ELAPOR2: variants seen among roughly 807,000 people sequenced by gnomAD.
The protein encoded by ELAPOR2 is endosome-lysosome associated apoptosis and autophagy regulator family member 2, also known as endosome/lysosome-associated apoptosis and autophagy regulator family member 2.
ELAPOR2 carries 89 observed loss-of-function variants against 120.7 expected under a neutral mutation model. That is an observed-to-expected ratio of 0.74 (90% CI 0.62 to 0.88). The LOEUF (loss-of-function observed/expected upper bound fraction) is 0.88. Among genes scored for constraint, ELAPOR2 ranks in the 40% least tolerant of loss-of-function variants. The probability of loss-of-function intolerance (pLI) is 0.00; values close to 1 mark genes in which losing one functional copy is unlikely to be tolerated. For missense variants in ELAPOR2, 1,134 were observed against 1,251.6 expected (o/e 0.91, Z 1.42); for synonymous variants, 444 against 444.9 (o/e 1.00, Z 0.03).
chr7:86,938,415 A>G (rs1018950930), intron 7 of ELAPOR2, among the ~76,000 whole-genome samples: 5 of 152,124 alleles, frequency 3.3e-5, no homozygotes, highest in South Asian at 2.1e-4. Context: ...TATGATACAC[A>G]TGGAGTAGTA....
At position 86,891,773 on chromosome 7, in the gene ELAPOR2, T is replaced by A. The variant is rs780237877; in HGVS notation, c.2981A>T (p.Tyr994Phe). The change falls in exon 21 of 22, where the codon TAT becomes TTT. Residue 994 changes from tyrosine (Y) to phenylalanine (F), a missense_variant. By Grantham distance (22) the Tyr-to-Phe change is conservative. Coordinates refer to ENST00000450689, the MANE Select transcript of ELAPOR2 (RefSeq NM_001142749.3). ...EGEDNEEEVV[Y>F]SNKQSLLGKL... ...TCCTAGTAGTGACTGTTTATTGGAA[T>A]ATACAACTTCCTCTTCATTATCTTC... 1.9e-6 allele frequency: 3 copies of A among 1,612,210 alleles called. No homozygotes were observed. In the African/African-American group the frequency reaches 4.0e-5, roughly 22 times the overall value.
chr7:86,888,687 G>A (rs976440084), intron 21 of ELAPOR2, among the ~76,000 whole-genome samples: 1 of 152,082 alleles, frequency 6.6e-6, no homozygotes, highest in Admixed American at 6.6e-5. Context: ...GTGAACAAAA[G>A]TCACTAGTTT....
At chr7:87,008,311 G>C (rs1793549369) in intron 1 of ELAPOR2, among the ~76,000 whole-genome samples, 1 of 152,078 alleles carries the variant, frequency 6.6e-6, no homozygotes, top group Non-Finnish European at 1.5e-5. Context: ...CATCAAGAAA[G>C]ACGTAACTGA....
intron 12 of ELAPOR2, among the ~76,000 whole-genome samples, chr7:86,917,686 C>A (rs939200999): frequency 6.6e-6 from 1 of 151,918 alleles, no homozygotes; most frequent in Non-Finnish European, 1.5e-5. Context: ...TTTTCAGAAA[C>A]AAAGTCTGCC....
intron 1 of ELAPOR2, among the ~76,000 whole-genome samples, chr7:86,983,166 TC>T (rs1792574759): frequency 1.3e-5 from 2 of 152,090 alleles, no homozygotes; most frequent in Admixed American, 1.3e-4. Context: ...GAACAAAGAC[TC>T]CAACAAATAT....
intron 1 of ELAPOR2, among the ~76,000 whole-genome samples, chr7:87,045,362 T>C (rs1275130187): frequency 6.7e-6 from 1 of 149,914 alleles, no homozygotes; most frequent in Middle Eastern, 3.2e-3. Flanking sequence ...CCAACCCAAA[T>C]GCCCAACAAT....
intron 1 of ELAPOR2, among the ~76,000 whole-genome samples, chr7:87,048,756 T>C (rs780816246): frequency 3.9e-5 from 6 of 152,190 alleles, no homozygotes; most frequent in Non-Finnish European, 8.8e-5. Context: ...ATATCTACTA[T>C]GTACCCACAA....
At chr7:87,004,235 G>T (rs965791202) in intron 1 of ELAPOR2, among the ~76,000 whole-genome samples, 5 of 152,100 alleles carry the variant, frequency 3.3e-5, no homozygotes, top group African/African-American at 1.2e-4. Flanking sequence ...GATGGGTGGG[G>T]GACAACAAAG....
rs776339060 is a variant in ELAPOR2, at chr7:86,892,989, C to A, written c.2797G>T (p.Gly933Cys). 2 of 1,574,748 alleles carry A rather than the reference C, an allele frequency of 1.3e-6. No homozygotes were observed. The highest frequency in any genetic ancestry group is 2.8e-5 in the African/African-American group (2 of 71,364). The change falls in exon 20 of 22, where the codon GGT becomes TGT. Residue 933 changes from glycine to cysteine, a missense_variant. Physicochemically the swap from Gly to Cys is radical, Grantham distance 159. Around this residue, in one of 3 missense-constraint regions of ELAPOR2, gnomAD observed 831 missense variants for 867.6 expected, o/e 0.96. Coordinates refer to ENST00000450689, the MANE Select transcript of ELAPOR2 (RefSeq NM_001142749.3). ...AAAACGGCAGTAAAAGCTCCCACAC[C>A]GGCTCCCACCTTCAGCCAAAAGTCA... Reference protein sequence around the residue: ...TVDFWLKVGAGVGAFTAVLLV... With the variant: ...TVDFWLKVGACVGAFTAVLLV...
chr7:86,971,255 T>G (rs147443730), intron 1 of ELAPOR2, among the ~76,000 whole-genome samples: 37 of 152,336 alleles, frequency 2.4e-4, no homozygotes, highest in African/African-American at 8.7e-4. Flanking sequence ...CTTCACATCT[T>G]ATGGTCTATG....
intron 1 of ELAPOR2, among the ~76,000 whole-genome samples, chr7:87,021,201 T>C (rs1446135295): frequency 3.3e-5 from 5 of 152,092 alleles, no homozygotes; most frequent in Non-Finnish European, 7.4e-5. Context: ...ATGTTTTACT[T>C]CCTCTCAAAG....
Position 86,880,031 on chromosome 7 carries a change from T to G in ELAPOR2, c.*440A>C, listed in dbSNP as rs2115699567. On this transcript the variant is annotated 3_prime_UTR_variant, in exon 22 of 22. Transcript: ENST00000450689. ...GGAAAAATATACCTTAAAAAAATTTTAATTTTCCCCAAAATATAAACAAAG... is the reference window on the plus strand; with the variant it reads ...GGAAAAATATACCTTAAAAAAATTTGAATTTTCCCCAAAATATAAACAAAG... 6.5e-6 allele frequency: 1 copy of G among 153,780 alleles called. No individual in the cohort carries two copies. The highest frequency in any genetic ancestry group is 1.9e-4 in the East Asian group (1 of 5,224). The allele number at this position is 153,780 out of a possible 1,614,324, so 9.5% of individuals were successfully genotyped here.
intron 1 of ELAPOR2, among the ~76,000 whole-genome samples, chr7:86,970,118 CT>C (rs773058289): frequency 1.3e-5 from 2 of 152,120 alleles, no homozygotes; most frequent in Non-Finnish European, 2.9e-5. Flanking sequence ...CATTAGTAAA[CT>C]GCCAATGAGA....
intron 1 of ELAPOR2, among the ~76,000 whole-genome samples, chr7:87,024,324 T>A (rs1051562447): frequency 6.6e-6 from 1 of 152,214 alleles, no homozygotes; most frequent in Non-Finnish European, 1.5e-5. Context: ...GAGATAGTCA[T>A]GTGGTTTTCG....
In ELAPOR2 at chr7:86,925,595, A is replaced by G. The variant is rs759851040; in HGVS notation, c.1332T>C (p.Asn444=). 1.2e-6 allele frequency: 2 copies of G among 1,612,124 alleles called. No individual in the cohort carries two copies. Among genetic ancestry groups the G allele is most frequent in the South Asian group, 2.2e-5 (2 of 91,056 alleles). The change falls in exon 10 of 22, where the codon AAT becomes AAC. Residue 444 remains asparagine, a synonymous_variant. Coordinates refer to ENST00000450689, the MANE Select transcript of ELAPOR2 (RefSeq NM_001142749.3). ...AAGTTTTCATGTTGCCAGGAAGGACATTCCACCATTTATATTCAAAGCCAA... is the reference window on the plus strand; with the variant it reads ...AAGTTTTCATGTTGCCAGGAAGGACGTTCCACCATTTATATTCAAAGCCAA... ...PALGFEYKWW[N]VLPGNMKTSC...
intron 18 of ELAPOR2, among the ~76,000 whole-genome samples, chr7:86,898,559 C>CAAAAAAAAAAAAA (rs11418158): frequency 1.5e-5 from 1 of 66,586 alleles, no homozygotes; most frequent in Non-Finnish European, 2.9e-5. Flanking sequence ...ACACAATGAC[C>CAAAAAAAAAAAAA]AAAAAAAAAA....
chr7:87,013,358 T>C (rs1234135524), intron 1 of ELAPOR2, among the ~76,000 whole-genome samples: 2 of 152,214 alleles, frequency 1.3e-5, no homozygotes, highest in South Asian at 2.1e-4. Context: ...AAAGACAATG[T>C]ATTCAAGTCC....
chr7:87,057,309 A>G (rs546173392), intron 1 of ELAPOR2, among the ~76,000 whole-genome samples: 75 of 152,304 alleles, frequency 4.9e-4, no homozygotes, highest in African/African-American at 1.7e-3. Context: ...AACAATGACC[A>G]ATTCTGTAAA....
At chr7:86,999,007 T>C (rs1391981456) in intron 1 of ELAPOR2, among the ~76,000 whole-genome samples, 1 of 152,062 alleles carries the variant, frequency 6.6e-6, no homozygotes, top group East Asian at 1.9e-4. Context: ...TTAAACTTAT[T>C]TATATATTAG....
Sources: gnomAD v4.1 joint callset for allele counts (sites outside exome capture counted in the v4.1 genomes callset) on GRCh38, gnomAD v4.1.1 for gene constraint, gnomAD v4.1.1 regional missense constraint, MANE v1.5 for transcripts, NCBI Gene and HGNC (gene_info 2026-07-23, HGNC 2026-07-21) for gene names.